Variants in SMAD4 observed in about 807,000 individuals in gnomAD.
SMAD4 encodes the protein SMAD family member 4, also known as MAD homolog 4.
SMAD4 carries 7 observed loss-of-function variants against 63.2 expected under a neutral mutation model. That is an observed-to-expected ratio of 0.11 (90% CI 0.06 to 0.21). The LOEUF (loss-of-function observed/expected upper bound fraction) is 0.21. Ranked by LOEUF, SMAD4 falls within the 10% of genes least tolerant of loss-of-function variation. SMAD4 has a pLI of 1.00. For synonymous variants in SMAD4, 215 were observed against 235.4 expected, an observed-to-expected ratio of 0.91 and a Z score of 0.79; for missense variants, 312 against 693.8, an observed-to-expected ratio of 0.45 and a Z score of 6.18.
At chr18:51,057,091 G>A (rs891226436) in intron 5 of SMAD4, among the ~76,000 whole-genome samples, 4 of 152,026 alleles carry the variant, frequency 2.6e-5, no homozygotes, top group African/African-American at 9.7e-5. Context: ...TTAGCTTTTG[G>A]TTTTGTAATT....
intron 11 of SMAD4, 25 bp downstream of exon 11, chr18:51,076,801 TA>T: frequency 6.4e-7 from 1 of 1,557,058 alleles, no homozygotes; most frequent in Non-Finnish European, 8.8e-7. Context: ...CATTCTTTTT[TA>T]AAGGTATAAT....
At chr18:51,057,962 A>G (rs1391954011) in intron 5 of SMAD4, among the ~76,000 whole-genome samples, 163 bp from the exon 6 acceptor site, 2 of 152,268 alleles carry the variant, frequency 1.3e-5, no homozygotes, top group African/African-American at 2.4e-5. Flanking sequence ...TTGCCTTTAT[A>G]GATGACTGTA....
chr18:51,084,875 C>T lies in SMAD4; in HGVS notation c.*6408C>T, dbSNP rs557992238. 3 of 223,524 alleles carry T rather than the reference C, an allele frequency of 1.3e-5. No homozygotes were observed. The highest frequency in any genetic ancestry group is 8.9e-6 in the Non-Finnish European group (1 of 112,046). 13.8% of individuals were successfully genotyped at this position (223,524 alleles called of 1,614,324 possible). A position where few individuals can be genotyped will look rare whatever the true frequency, so the allele number is the denominator to read the frequency against. On this transcript the variant is annotated 3_prime_UTR_variant, in exon 12 of 12. Transcript: ENST00000342988. ...TGCCAGAAGCCAGAGAAGAGCCACTCGTAGCTTCTGCTTTGGGGACAACTG... is the reference window on the plus strand; with the variant it reads ...TGCCAGAAGCCAGAGAAGAGCCACTTGTAGCTTCTGCTTTGGGGACAACTG...
chr18:51,070,398 T>C lies in SMAD4; in HGVS notation c.1308+3211T>C, dbSNP rs534785070. ...GATCTTAATAGTGATCTCATACTTT[T>C]ACCATGAAAAGTAGATAAATACCTT... On this transcript the variant is annotated intron_variant, in intron 10 of 11. Transcript: ENST00000342988. 9.2e-5 allele frequency among the ~76,000 whole-genome samples: 14 copies of C among 152,344 alleles called. No homozygotes were observed. The South Asian group carries it at 2.5e-3, about 27-fold the overall frequency.
At chr18:51,068,602 GTGTATAGAAAAGTT>G (rs1910232994) in intron 10 of SMAD4, among the ~76,000 whole-genome samples, 1 of 152,128 alleles carries the variant, frequency 6.6e-6, no homozygotes. Context: ...GGATATCCAT[GTGTATAGAAAAGTT>G]AGTTATTAAA....
chr18:51,058,529 A>C, intron 7 of SMAD4, 73 bp downstream of exon 7: 3 of 1,004,440 alleles, frequency 3.0e-6, no homozygotes. Flanking sequence ...TGTTTTTTAA[A>C]AATGTTTTTA....
At chr18:51,073,414 CA>C (rs1910384336) in intron 10 of SMAD4, among the ~76,000 whole-genome samples, 2 of 142,846 alleles carry the variant, frequency 1.4e-5, no homozygotes, top group Admixed American at 1.4e-4. Flanking sequence ...CACACACACA[CA>C]CACACACACA....
At chr18:51,047,431 G>A (rs886115454) in intron 2 of SMAD4, 136 bp downstream of exon 2, 8 of 755,232 alleles carry the variant, frequency 1.1e-5, no homozygotes, top group African/African-American at 8.8e-5. Context: ...GTACAAATAT[G>A]CATTATGGGA....
chr18:51,048,316 C>T (rs1241241734), intron 2 of SMAD4, among the ~76,000 whole-genome samples: 1 of 152,122 alleles, frequency 6.6e-6, no homozygotes, highest in African/African-American at 2.4e-5. Flanking sequence ...TACCACCATG[C>T]CTGGGTAATT....
At position 51,043,634 on chromosome 18, in the gene SMAD4, CTGTT is replaced by C. The variant is rs145801952; in HGVS notation, c.-127-3280_-127-3277del. 5.9e-3 allele frequency among the ~76,000 whole-genome samples: 905 copies of C among 152,168 alleles called. 6 individuals carry two copies. Among genetic ancestry groups the C allele is most frequent in the African/African-American group, 0.019 (794 of 41,506 alleles). On this transcript the variant is annotated intron_variant, in intron 1 of 11. Transcript: ENST00000342988. Reference sequence around the variant, plus strand: ...TACAATAAAGAGAGAGATGAGAAAGCTGTTTGTTTAAGAAAGCGAGGTCATTATC... The same window carrying C: ...TACAATAAAGAGAGAGATGAGAAAGCTGTTTAAGAAAGCGAGGTCATTATC...
At chr18:51,062,603 A>C (rs1416396032) in intron 8 of SMAD4, among the ~76,000 whole-genome samples, 1 of 151,498 alleles carries the variant, frequency 6.6e-6, no homozygotes, top group Non-Finnish European at 1.5e-5. Flanking sequence ...GGTTCAAGCC[A>C]TTCTCCTGCC....
rs537321708 is a variant in SMAD4, at chr18:51,079,061, G to C, written c.*594G>C. The C allele has an allele frequency of 4.3e-6, 1 of 233,236 alleles. No homozygotes were observed. Among genetic ancestry groups the C allele is most frequent in the Non-Finnish European group, 8.5e-6 (1 of 117,930 alleles). The allele number at this position is 233,236 out of a possible 1,614,324, so 14.4% of individuals were successfully genotyped here. On this transcript the variant is annotated 3_prime_UTR_variant, in exon 12 of 12. Transcript: ENST00000342988. Reference sequence around the variant, plus strand: ...TATTAGTGAAGATGGTTTCAATTCAGATTGTCTTGCAACTTCAGTTTTATT... The same window carrying C: ...TATTAGTGAAGATGGTTTCAATTCACATTGTCTTGCAACTTCAGTTTTATT...
At chr18:51,054,216 C>G (rs1357801375) in intron 4 of SMAD4, 1 of 153,158 alleles carries the variant, frequency 6.5e-6, no homozygotes, top group East Asian at 1.9e-4. Context: ...TATAATTTTT[C>G]CGTTTGGTTC....
intron 1 of SMAD4, among the ~76,000 whole-genome samples, chr18:51,031,327 A>G (rs3752063): frequency 5.3e-5 from 8 of 152,260 alleles, no homozygotes; most frequent in African/African-American, 1.7e-4. Flanking sequence ...CTCAAACTAG[A>G]TTTTCAAAGA....
At chr18:51,069,162 G>A (rs1323737508) in intron 10 of SMAD4, among the ~76,000 whole-genome samples, 3 of 152,114 alleles carry the variant, frequency 2.0e-5, no homozygotes, top group Non-Finnish European at 4.4e-5. Flanking sequence ...TGTCACCCAG[G>A]CTAGAGTACA....
At position 51,081,236 on chromosome 18, in the gene SMAD4, C is replaced by CA. The variant is rs906700739; in HGVS notation, c.*2772dup. The stretch of plus-strand genomic sequence containing the variant: ...GGTTTTCTCTAGCTAATTCATATCT[C>CA]AAAGAGTCTCAAAATGTTGAATTTC... On this transcript the variant is annotated 3_prime_UTR_variant, in exon 12 of 12. Transcript: ENST00000342988. The CA allele has an allele frequency of 1.3e-5, 3 of 224,778 alleles. No individual in the cohort carries two copies. Among genetic ancestry groups the CA allele is most frequent in the African/African-American group, 6.7e-5 (3 of 44,780 alleles). The allele number at this position is 224,778 out of a possible 1,614,324, so 13.9% of individuals were successfully genotyped here.
chr18:51,060,349 A>G (rs1909974915), intron 8 of SMAD4, among the ~76,000 whole-genome samples: 1 of 152,232 alleles, frequency 6.6e-6, no homozygotes, highest in East Asian at 1.9e-4. Flanking sequence ...ATTAAATTGT[A>G]TGCAAAAGAG....
chr18:51,041,889 C>T (rs940281746), intron 1 of SMAD4, among the ~76,000 whole-genome samples: 10 of 152,182 alleles, frequency 6.6e-5, no homozygotes, highest in African/African-American at 2.4e-4. Context: ...ACTAGCCAAT[C>T]CTGACTGATA....
intron 8 of SMAD4, among the ~76,000 whole-genome samples, chr18:51,064,235 C>T (rs1400092169): frequency 2.6e-5 from 4 of 152,124 alleles, no homozygotes. Context: ...GGGGTCTTTG[C>T]TTTCGCTTCC....
Sources: gnomAD v4.1 joint callset for allele counts (sites outside exome capture counted in the v4.1 genomes callset) on GRCh38, gnomAD v4.1.1 for gene constraint, MANE v1.5 for transcripts, NCBI Gene and HGNC (gene_info 2026-07-23, HGNC 2026-07-21) for gene names.